Variants in SLC26A8 observed in about 807,000 individuals in gnomAD.
The protein encoded by SLC26A8 is solute carrier family 26 member 8.
SLC26A8 carries 70 observed loss-of-function variants against 105.0 expected under a neutral mutation model. The ratio of observed to expected loss-of-function variants is 0.67; its 90% CI spans 0.55 to 0.81. SLC26A8 has a LOEUF of 0.81. SLC26A8 is among the 40% of genes least tolerant of loss of function. The pLI, the probability that SLC26A8 is intolerant of heterozygous loss-of-function variation, is 0.00. For synonymous variants in SLC26A8, 415 were observed against 438.3 expected (o/e 0.95, Z 0.66); for missense variants, 998 against 1,181.8 (o/e 0.84, Z 2.28).
At chr6:35,954,944 C>CAAAAAAG (rs569393095) in intron 17 of SLC26A8, 6 of 564,654 alleles carry the variant, frequency 1.1e-5, no homozygotes, top group Admixed American at 3.2e-5. Flanking sequence ...GGCTCCATCT[C>CAAAAAAG]AAAAAAGAAA....
rs1160717911 is a variant in SLC26A8, at chr6:35,943,750, A to G, written c.*150T>C. 1 of 1,153,304 alleles carries G rather than the reference A, an allele frequency of 8.7e-7. No individual in the cohort carries two copies. The highest frequency in any genetic ancestry group is 2.8e-5 in the Admixed American group (1 of 35,466). The allele number at this position is 1,153,304 out of a possible 1,614,324, so 71.4% of individuals were successfully genotyped here. On this transcript the variant is annotated 3_prime_UTR_variant, in exon 20 of 20. Transcript: ENST00000490799. ...ATTTGGGAGTATGATCCCAGCGCAGAGCAAGGAAGAAGGCTGGCAGGTAGT... is the reference window on the plus strand; with the variant it reads ...ATTTGGGAGTATGATCCCAGCGCAGGGCAAGGAAGAAGGCTGGCAGGTAGT...
At chr6:36,008,272 T>C (rs1761750751) in intron 3 of SLC26A8, among the ~76,000 whole-genome samples, 1 of 152,004 alleles carries the variant, frequency 6.6e-6, no homozygotes, top group Admixed American at 6.6e-5. Flanking sequence ...CCTGCCTGGG[T>C]GACAGAGCAA....
At chr6:36,021,016 AT>A (rs1013233450) in intron 1 of SLC26A8, among the ~76,000 whole-genome samples, 1 of 152,216 alleles carries the variant, frequency 6.6e-6, no homozygotes, top group African/African-American at 2.4e-5. Flanking sequence ...ATGTCATTAA[AT>A]TTCCACAACA....
chr6:36,007,148 TAA>T (rs1761710936), intron 3 of SLC26A8, among the ~76,000 whole-genome samples: 1 of 148,354 alleles, frequency 6.7e-6, no homozygotes, highest in African/African-American at 2.5e-5. Flanking sequence ...TAACAAGCAA[TAA>T]AAAGTCATTA....
intron 7 of SLC26A8, chr6:35,989,927 C>CTTTTTTTTTTTTTTTTTTTTTTTTTTTTT (rs869306115): frequency 2.4e-5 from 2 of 84,572 alleles, no homozygotes; most frequent in Non-Finnish European, 4.1e-5. Flanking sequence ...GTTTTCTTTT[C>CTTTTTTTTTTTTTTTTTTTTTTTTTTTTT]TTTTTTTTTT....
chr6:35,952,275 C>T (rs545023602), intron 17 of SLC26A8, among the ~76,000 whole-genome samples: 6 of 152,210 alleles, frequency 3.9e-5, no homozygotes, highest in African/African-American at 7.2e-5. Flanking sequence ...GGCTCAGAGA[C>T]GCTCAAGTGA....
rs1449679640 is a variant in SLC26A8 at position 35,959,713 on chromosome 6, C to A, written c.1731+1G>T. On this transcript the variant is annotated splice_donor_variant, in intron 15 of 19. Coordinates refer to ENST00000490799, the MANE Select transcript of SLC26A8 (RefSeq NM_052961.4). LOFTEE classifies it high-confidence loss of function. Reference sequence around the variant, plus strand: ...AGAAAGGCGGGCAGGAGGGCAGATACCTCTTTTAACAGCTTATGCTTTAGG... The same window carrying A: ...AGAAAGGCGGGCAGGAGGGCAGATAACTCTTTTAACAGCTTATGCTTTAGG... 3.7e-6 allele frequency: 6 copies of A among 1,605,908 alleles called. No homozygotes were observed. Among genetic ancestry groups the A allele is most frequent in the Admixed American group, 3.5e-5 (2 of 57,466 alleles).
intron 3 of SLC26A8, among the ~76,000 whole-genome samples, chr6:36,002,807 G>A (rs1385960804): frequency 2.0e-5 from 3 of 151,618 alleles, no homozygotes; most frequent in East Asian, 1.9e-4. Flanking sequence ...TTGTTTGAGC[G>A]ATTCTCCCAC....
intron 4 of SLC26A8, 107 bp downstream of exon 4, chr6:35,999,884 GC>G (rs1761469788): frequency 1.4e-6 from 1 of 709,654 alleles, no homozygotes; most frequent in Non-Finnish European, 2.4e-6. Context: ...TCCACCTCCT[GC>G]CTCCTTTCTT....
chr6:36,014,660 T>G (rs2127372211), intron 2 of SLC26A8, among the ~76,000 whole-genome samples: 1 of 152,176 alleles, frequency 6.6e-6, no homozygotes, highest in South Asian at 2.1e-4. Context: ...GGCGGGCGGA[T>G]CACAAGGTCA....
chr6:36,022,916 G>T (rs1762161122), intron 1 of SLC26A8, among the ~76,000 whole-genome samples: 1 of 150,318 alleles, frequency 6.7e-6, no homozygotes. Flanking sequence ...CAGAAACTCT[G>T]GGGGCCATCA....
intron 2 of SLC26A8, among the ~76,000 whole-genome samples, chr6:36,017,360 G>A (rs780735389): frequency 6.6e-6 from 1 of 151,962 alleles, no homozygotes; most frequent in Non-Finnish European, 1.5e-5. Flanking sequence ...CATCAGGTGC[G>A]GTGGCTCACG....
At chr6:35,996,128 A>G (rs1761344632) in intron 5 of SLC26A8, among the ~76,000 whole-genome samples, 2 of 152,188 alleles carry the variant, frequency 1.3e-5, no homozygotes, top group African/African-American at 4.8e-5. Flanking sequence ...TGCTTTATAC[A>G]TGAGGAAACT....
intron 2 of SLC26A8, 80 bp from the exon 3 acceptor site, chr6:36,012,452 C>T (rs917012835): frequency 2.0e-6 from 3 of 1,467,494 alleles, no homozygotes; most frequent in Non-Finnish European, 2.7e-6. Context: ...ATTTGGCCCA[C>T]ATAGCCAAGA....
chr6:36,023,714 A>T (rs1021170818), intron 1 of SLC26A8, among the ~76,000 whole-genome samples: 1 of 152,158 alleles, frequency 6.6e-6, no homozygotes, highest in Non-Finnish European at 1.5e-5. Context: ...CGGAAAGGCA[A>T]AATTTACTTC....
intron 9 of SLC26A8, 24 bp downstream of exon 9, chr6:35,977,180 C>G (rs747590408): frequency 2.1e-5 from 33 of 1,601,100 alleles, no homozygotes; most frequent in Non-Finnish European, 2.6e-5. Context: ...AGTTAAGGAT[C>G]AGAGGAAGTA....
rs1771571447 is a variant in SLC26A8 at position 35,943,976 on chromosome 6, C to T, written c.2837G>A (p.Arg946Gln). Residue 946 changes from arginine (R) to glutamine (Q), a missense_variant, in exon 20 of 20, where the codon CGG becomes CAG. Arg to Gln is a conservative substitution (Grantham distance 43, BLOSUM62 1). Transcript: ENST00000490799. ...GCGTCTCCTCTCCACTGACCATGTC[C>T]GAGTCTGAGTCTGAGACTGGGTGGA... ...MASTQSQTQT[R>Q]TWSVERRRHP... is the part of the protein sequence containing the mutation. 4.3e-6 allele frequency: 7 copies of T among 1,614,156 alleles called. No individual in the cohort carries two copies. The highest frequency in any genetic ancestry group is 2.7e-5 in the African/African-American group (2 of 75,042).
At chr6:35,947,342 T>C (rs1771711777) in intron 19 of SLC26A8, among the ~76,000 whole-genome samples, 1 of 152,084 alleles carries the variant, frequency 6.6e-6, no homozygotes, top group Non-Finnish European at 1.5e-5. Flanking sequence ...CCACTAGTCT[T>C]AATAGAGACA....
chr6:36,002,935 C>G lies in SLC26A8; in HGVS notation c.329-2827G>C, dbSNP rs576454610. Among the ~76,000 whole-genome samples the G allele has an allele frequency of 4.5e-4, 69 of 152,208 alleles. 2 individuals carry two copies. Among genetic ancestry groups the G allele is most frequent in the Admixed American group, 3.9e-3 (59 of 15,280 alleles). ...GCCAGGCTGGTCTCAAACTCCTGACCTCAAATGATTCACCCACCTCAGCCT... is the reference window on the plus strand; with the variant it reads ...GCCAGGCTGGTCTCAAACTCCTGACGTCAAATGATTCACCCACCTCAGCCT... On this transcript the variant is annotated intron_variant, in intron 3 of 19. Coordinates refer to ENST00000490799, the MANE Select transcript of SLC26A8 (RefSeq NM_052961.4).
Sources: allele counts gnomAD v4.1 joint callset (sites outside exome capture counted in the v4.1 genomes callset), GRCh38; gene constraint gnomAD v4.1.1; transcripts MANE v1.5; gene names NCBI Gene and HGNC (gene_info 2026-07-23, HGNC 2026-07-21).